Variants in CNIH3 observed in about 807,000 individuals in gnomAD.
CNIH3 encodes protein cornichon homolog 3.
A neutral mutation model predicts 24.1 loss-of-function variants in CNIH3; 14 were observed. That is an observed-to-expected ratio of 0.58 (90% confidence interval 0.38 to 0.91). CNIH3 has a LOEUF of 0.91. CNIH3 is among the 40% of genes least tolerant of loss of function. The probability of loss-of-function intolerance (pLI) is 0.00; values close to 1 mark genes in which losing one functional copy is unlikely to be tolerated. For missense variants in CNIH3, 178 were observed against 196.8 expected (o/e 0.90, Z 0.57); for synonymous variants, 68 against 73.8 (o/e 0.92, Z 0.40).
intron 1 of CNIH3, chr1:224,434,997 C>G: frequency 1.0e-6 from 1 of 985,530 alleles, no homozygotes; most frequent in Non-Finnish European, 1.2e-6. Context: ...CCGATCCTAT[C>G]CCCGGCCCCG....
intron 3 of CNIH3, among the ~76,000 whole-genome samples, chr1:224,556,741 G>A (rs1680156295): frequency 6.6e-6 from 1 of 152,174 alleles, no homozygotes. Context: ...AGGCAGTAGT[G>A]CTCTCTCACC....
intron 1 of CNIH3, among the ~76,000 whole-genome samples, chr1:224,644,007 G>T (rs1324244218): frequency 1.3e-5 from 2 of 152,146 alleles, no homozygotes; most frequent in African/African-American, 4.8e-5. Context: ...ATCTAGTGGG[G>T]TATTAGAATT....
Position 224,616,343 on chromosome 1 carries a change from G to GGCA in CNIH3, c.-830_-829insAGC. On this transcript the variant is annotated 5_prime_UTR_variant, in exon 1 of 6. Transcript: ENST00000272133. ...CAGTGGCAAAGGCGGCGGCGGCGGC[G>GGCA]GCGGCAGCGGCAGCAGCAGGTGGAG... is the stretch of plus-strand genomic sequence containing the variant. 4 of 492,522 alleles carry GGCA rather than the reference G, an allele frequency of 8.1e-6. No individual in the cohort carries two copies. The highest frequency in any genetic ancestry group is 1.5e-4 in the East Asian group (1 of 6,646). The allele number at this position is 492,522 out of a possible 1,614,324, so 30.5% of individuals were successfully genotyped here. A position where few individuals can be genotyped will look rare whatever the true frequency, so the allele number is the denominator to read the frequency against.
At chr1:224,495,307 T>A (rs984262934) in intron 1 of CNIH3, among the ~76,000 whole-genome samples, 2 of 152,248 alleles carry the variant, frequency 1.3e-5, no homozygotes, top group African/African-American at 4.8e-5. Flanking sequence ...TCCCAGGACA[T>A]GCCTTGTATA....
In CNIH3 at chr1:224,704,512, A is replaced by G. The variant is rs868530312; in HGVS notation, c.198+19669A>G. Reference sequence around the variant, plus strand: ...AAGGGGATGTTGGAAGAGCAGCACAATGAACACCCACGTAGCCTTCACCAA... The same window carrying G: ...AAGGGGATGTTGGAAGAGCAGCACAGTGAACACCCACGTAGCCTTCACCAA... On this transcript the variant is annotated intron_variant, in intron 3 of 5. Transcript: ENST00000272133. The surrounding 1 kb of genome is among the most constrained non-coding windows in gnomAD (Gnocchi z 4.2). 1.3e-5 allele frequency among the ~76,000 whole-genome samples: 2 copies of G among 152,246 alleles called. No homozygotes were observed. The highest frequency in any genetic ancestry group is 3.4e-3 in the Middle Eastern group (1 of 294).
intron 3 of CNIH3, among the ~76,000 whole-genome samples, chr1:224,556,501 A>G (rs146821601): frequency 6.6e-6 from 1 of 152,314 alleles, no homozygotes; most frequent in African/African-American, 2.4e-5. Flanking sequence ...CCTCTAGGCC[A>G]GCAATTCCCA....
chr1:224,669,748 T>C (rs1558273982), intron 1 of CNIH3, among the ~76,000 whole-genome samples: 1 of 152,236 alleles, frequency 6.6e-6, no homozygotes, highest in Non-Finnish European at 1.5e-5. Context: ...TTATTTCATT[T>C]AATCCTCAAA....
chr1:224,437,730 AT>A (rs1438313699), intron 1 of CNIH3, among the ~76,000 whole-genome samples: 3 of 152,178 alleles, frequency 2.0e-5, no homozygotes, highest in Admixed American at 2.0e-4. Context: ...ATTTTGTGAA[AT>A]TTTTGTTTCA....
intron 5 of CNIH3, chr1:224,588,227 CA>C (rs1181450345): frequency 3.9e-5 from 6 of 152,118 alleles, no homozygotes; most frequent in Non-Finnish European, 8.8e-5. Context: ...CCTAATAGGA[CA>C]ATTCTAACAC....
intron 1 of CNIH3, among the ~76,000 whole-genome samples, chr1:224,449,981 A>G (rs1292147664): frequency 6.6e-6 from 1 of 151,936 alleles, no homozygotes. Context: ...ACACGTATAT[A>G]TACACATACA....
rs1687611577 is a variant in CNIH3 at position 224,703,411 on chromosome 1, A to G, written c.198+18568A>G. 6.6e-6 allele frequency among the ~76,000 whole-genome samples: 1 copy of G among 152,224 alleles called. No homozygotes were observed. The highest frequency in any genetic ancestry group is 1.5e-5 in the Non-Finnish European group (1 of 68,030). On this transcript the variant is annotated intron_variant, in intron 3 of 5. Coordinates refer to ENST00000272133, the MANE Select transcript of CNIH3 (RefSeq NM_152495.2). This position sits in a 1 kb window ranked among gnomAD's most constrained non-coding sequence, Gnocchi z 4.2. ...TTAAAAATCCTGATGCCCAGAATTC[A>G]TCCCAAACCAATTAAGTCATAATCT...
chr1:224,488,034 C>T (rs2124838639), intron 1 of CNIH3, among the ~76,000 whole-genome samples: 1 of 151,858 alleles, frequency 6.6e-6, no homozygotes, highest in South Asian at 2.1e-4. Flanking sequence ...ATAGCAGGCA[C>T]TCAGTAAATA....
upstream of CNIH3, chr1:224,611,417 G>T (rs1247811506): frequency 6.6e-6 from 1 of 152,158 alleles, no homozygotes; most frequent in Non-Finnish European, 1.5e-5. Flanking sequence ...CAAATGAGAA[G>T]TTTTATTGTC....
chr1:224,640,763 TAAC>T (rs1684319065), intron 1 of CNIH3, among the ~76,000 whole-genome samples: 1 of 152,130 alleles, frequency 6.6e-6, no homozygotes, highest in African/African-American at 2.4e-5. Flanking sequence ...GTTTGGGAGA[TAAC>T]AAGGGATCTC....
intron 1 of CNIH3, among the ~76,000 whole-genome samples, chr1:224,628,748 C>T (rs1416258201): frequency 6.6e-6 from 1 of 152,050 alleles, no homozygotes; most frequent in Non-Finnish European, 1.5e-5. Context: ...TGGTTTAGGC[C>T]ATGAGGGGAA....
In CNIH3 at chr1:224,698,651, A is replaced by T. The variant is rs958800007; in HGVS notation, c.198+13808A>T. 7.2e-5 allele frequency among the ~76,000 whole-genome samples: 11 copies of T among 152,210 alleles called. 1 individual carries two copies. The highest frequency in any genetic ancestry group is 7.2e-4 in the Admixed American group (11 of 15,286). ...AATGCTGGGTCATTCTGAGTTATTG[A>T]TAATGTATTTCAAGCACACATATTC... On this transcript the variant is annotated intron_variant, in intron 3 of 5. Coordinates refer to ENST00000272133, the MANE Select transcript of CNIH3 (RefSeq NM_152495.2).
In CNIH3 at chr1:224,572,865, G is replaced by A. The variant is rs181286578; in HGVS notation, n.516+6601G>A. Among the ~76,000 whole-genome samples, 333 of 152,056 alleles carry A rather than the reference G, an allele frequency of 2.2e-3. 2 individuals carry two copies. Among genetic ancestry groups the A allele is most frequent in the African/African-American group, 7.1e-3 (295 of 41,482 alleles). Reference sequence around the variant, plus strand: ...AAATTTATTTCTAAGTTGGTTTCTTGTTGTTGTTGTTGAGACAGGGTCTTG... The same window carrying A: ...AAATTTATTTCTAAGTTGGTTTCTTATTGTTGTTGTTGAGACAGGGTCTTG... On this transcript the variant is annotated intron_variant and non_coding_transcript_variant, in intron 4 of 5. Transcript: ENST00000471578.
chr1:224,702,893 G>A (rs1464702022), intron 3 of CNIH3, among the ~76,000 whole-genome samples: 1 of 151,936 alleles, frequency 6.6e-6, no homozygotes, highest in Non-Finnish European at 1.5e-5. Context: ...TTGCTGGTCG[G>A]GGGAGACTTC....
chr1:224,461,154 C>T (rs1226937433), intron 1 of CNIH3, among the ~76,000 whole-genome samples: 1 of 151,842 alleles, frequency 6.6e-6, no homozygotes, highest in Non-Finnish European at 1.5e-5. Context: ...AGGCGCCCAC[C>T]ACCACACCCA....
Sources: gnomAD v4.1 joint callset for allele counts (sites outside exome capture counted in the v4.1 genomes callset) on GRCh38, gnomAD v4.1.1 for gene constraint, Gnocchi (gnomAD v3.1) non-coding constraint, MANE v1.5 for transcripts, NCBI Gene and HGNC (gene_info 2026-07-23, HGNC 2026-07-21) for gene names.